The following SLC38A12 variants were observed in gnomAD, a reference collection of about 807,000 sequenced individuals.
The protein encoded by SLC38A12 is solute carrier family 38 member 12.
chr17:74,783,824 G>A, the SLC38A12 span, among the ~76,000 whole-genome samples: 4 of 141,422 alleles, frequency 2.8e-5, no homozygotes, highest in African/African-American at 8.0e-5. Context: ...TCCACCTCCC[G>A]GGTTCAAGCG....
the SLC38A12 span, among the ~76,000 whole-genome samples, chr17:74,802,230 C>T: frequency 6.6e-6 from 1 of 152,226 alleles, no homozygotes; most frequent in Admixed American, 6.5e-5. Context: ...GGTTGACTGG[C>T]ATTATGCCCA....
the SLC38A12 span, among the ~76,000 whole-genome samples, chr17:74,825,798 A>G: frequency 6.6e-6 from 1 of 152,190 alleles, no homozygotes; most frequent in Non-Finnish European, 1.5e-5. Context: ...CTCTGTGCAG[A>G]ACTGGGCTTC....
At chr17:74,820,543 C>T in the SLC38A12 span, among the ~76,000 whole-genome samples, 1 of 152,208 alleles carries the variant, frequency 6.6e-6, no homozygotes, top group Admixed American at 6.5e-5. Context: ...AGGACAGGAG[C>T]GGGTGGGGCC....
the SLC38A12 span, chr17:74,785,762 A>G: frequency 2.8e-6 from 3 of 1,064,388 alleles, no homozygotes; most frequent in African/African-American, 3.2e-5. Flanking sequence ...GAGAGGGGAA[A>G]GTGGTCACAG....
the SLC38A12 span, among the ~76,000 whole-genome samples, chr17:74,829,247 C>T: frequency 1.3e-5 from 2 of 152,168 alleles, no homozygotes; most frequent in African/African-American, 4.8e-5. The surrounding 1 kb of genome is among the most constrained non-coding windows in gnomAD (Gnocchi z 4.1). Context: ...CCTCAGCCTC[C>T]CTAGTAGCTG....
the SLC38A12 span, among the ~76,000 whole-genome samples, chr17:74,781,172 C>T: frequency 6.6e-6 from 1 of 152,258 alleles, no homozygotes; most frequent in East Asian, 1.9e-4. Context: ...AGTGCCCAAG[C>T]TGAGAAACCC....
At chr17:74,823,392 C>T in the SLC38A12 span, among the ~76,000 whole-genome samples, 1 of 152,234 alleles carries the variant, frequency 6.6e-6, no homozygotes, top group African/African-American at 2.4e-5. Flanking sequence ...TGCTGAGGAG[C>T]CTTCGGGCCA....
the SLC38A12 span, among the ~76,000 whole-genome samples, chr17:74,779,974 C>G: frequency 1.1e-4 from 17 of 152,220 alleles, no homozygotes. Context: ...TACATGTCCC[C>G]TTAAGGGATC....
At chr17:74,838,897 G>A in the SLC38A12 span, 125 of 1,535,518 alleles carry the variant, frequency 8.1e-5, no homozygotes, top group South Asian at 3.1e-4. Context: ...ATGGGCCCCC[G>A]GGGTCAGTGA....
the SLC38A12 span, among the ~76,000 whole-genome samples, chr17:74,791,872 C>T: frequency 6.6e-6 from 1 of 151,862 alleles, no homozygotes; most frequent in Non-Finnish European, 1.5e-5. Flanking sequence ...GTGGGCCGGG[C>T]ACGGTGGCTA....
At chr17:74,790,239 G>A in the SLC38A12 span, 8 of 1,614,002 alleles carry the variant, frequency 5.0e-6, no homozygotes, top group East Asian at 2.2e-5. Flanking sequence ...CTCAGACAGC[G>A]ATGTTCTCAT....
At chr17:74,831,427 T>C in the SLC38A12 span, among the ~76,000 whole-genome samples, 1 of 152,204 alleles carries the variant, frequency 6.6e-6, no homozygotes, top group Admixed American at 6.5e-5. Flanking sequence ...ACAAGACAAA[T>C]GCGGTGGCTT....
chr17:74,798,199 A>G, the SLC38A12 span, among the ~76,000 whole-genome samples: 5 of 152,204 alleles, frequency 3.3e-5, no homozygotes, highest in Non-Finnish European at 5.9e-5. Flanking sequence ...CTTCATTGCC[A>G]TTCTGCAACA....
the SLC38A12 span, among the ~76,000 whole-genome samples, chr17:74,816,102 T>C: frequency 1.3e-5 from 2 of 152,210 alleles, no homozygotes; most frequent in Non-Finnish European, 2.9e-5. Flanking sequence ...TACTCCCTAC[T>C]GTGCTTAAAT....
At chr17:74,822,099 A>C in the SLC38A12 span, among the ~76,000 whole-genome samples, 1 of 152,164 alleles carries the variant, frequency 6.6e-6, no homozygotes, top group Non-Finnish European at 1.5e-5. Context: ...TGAAAGGGAA[A>C]AGATTGTAAA....
chr17:74,778,065 A>G, the SLC38A12 span, among the ~76,000 whole-genome samples: 1 of 151,472 alleles, frequency 6.6e-6, no homozygotes, highest in Admixed American at 6.6e-5. Flanking sequence ...TTTAAATTGC[A>G]CAACTTTTAT....
chr17:74,795,561 G>A, the SLC38A12 span: 1 of 1,614,120 alleles, frequency 6.2e-7, no homozygotes, highest in Non-Finnish European at 8.5e-7. Context: ...TGTGGAAGCA[G>A]ACACCAAATA....
the SLC38A12 span, chr17:74,837,102 G>A: frequency 2.0e-6 from 2 of 996,024 alleles, no homozygotes; most frequent in Non-Finnish European, 2.4e-6. Context: ...GCCCCATCCT[G>A]CGTCCTTGTC....
chr17:74,804,983 G>A, the SLC38A12 span, among the ~76,000 whole-genome samples: 34,540 of 152,176 alleles, frequency 0.23, 4,473 homozygotes, highest in East Asian at 0.41. Flanking sequence ...GAGTGCCTTC[G>A]GGCTCTTAAT....
Sources: gnomAD v4.1 joint callset for allele counts (sites outside exome capture counted in the v4.1 genomes callset) on GRCh38, gnomAD v4.1.1 for gene constraint, Gnocchi (gnomAD v3.1) non-coding constraint, MANE v1.5 for transcripts, NCBI Gene and HGNC (gene_info 2026-07-23, HGNC 2026-07-21) for gene names.